Variants in TMCC2 observed in about 807,000 individuals in gnomAD.
TMCC2 encodes the protein transmembrane and coiled-coil domain family 2.
Under a neutral mutation model 49.4 loss-of-function variants are expected in TMCC2, and 16 were observed. That is an observed-to-expected ratio of 0.32 (90% confidence interval 0.22 to 0.49). The LOEUF is 0.49. Among genes scored for constraint, TMCC2 ranks in the 20% least tolerant of loss-of-function variants. The probability of loss-of-function intolerance (pLI) is 0.99; values close to 1 mark genes in which losing one functional copy is unlikely to be tolerated. For missense variants in TMCC2, 762 were observed against 989.8 expected, an observed-to-expected ratio of 0.77 and a Z score of 3.09; for synonymous variants, 397 against 434.1, an observed-to-expected ratio of 0.91 and a Z score of 1.06.
At chr1:205,253,984 G>A (rs1434479541) in intron 2 of TMCC2, among the ~76,000 whole-genome samples, 2 of 152,196 alleles carry the variant, frequency 1.3e-5, no homozygotes, top group Non-Finnish European at 2.9e-5. Flanking sequence ...CAGCTGCACA[G>A]AGTCTCCAAG....
At chr1:205,229,994 C>T in intron 1 of TMCC2, 1 of 985,498 alleles carries the variant, frequency 1.0e-6, no homozygotes, top group Non-Finnish European at 1.2e-6. Context: ...ATTGATGCCT[C>T]ACAGTTATTT....
chr1:205,231,424 G>C (rs1659794470), intron 1 of TMCC2, among the ~76,000 whole-genome samples: 1 of 152,038 alleles, frequency 6.6e-6, no homozygotes, highest in South Asian at 2.1e-4. Flanking sequence ...AGCCTCCCAA[G>C]TAGCTGGTAC....
intron 1 of TMCC2, chr1:205,230,203 C>G (rs1428195174): frequency 2.0e-6 from 2 of 981,664 alleles, no homozygotes; most frequent in African/African-American, 3.5e-5. Flanking sequence ...TGTATGTTAC[C>G]TGTCTGTGTG....
chr1:205,270,263 G>A (rs1206250174), intron 3 of TMCC2, among the ~76,000 whole-genome samples: 1 of 152,158 alleles, frequency 6.6e-6, no homozygotes, highest in Admixed American at 6.5e-5. Context: ...GGCCAGGCTG[G>A]TCTCGATCTC....
At chr1:205,243,343 C>A (rs1032581108) in intron 2 of TMCC2, among the ~76,000 whole-genome samples, 4 of 152,018 alleles carry the variant, frequency 2.6e-5, no homozygotes, top group Non-Finnish European at 5.9e-5. Context: ...AAGATCGAGC[C>A]ACTGCACTCC....
chr1:205,236,864 G>A (rs1660070561), intron 1 of TMCC2: 1 of 152,198 alleles, frequency 6.6e-6, no homozygotes, highest in Admixed American at 6.5e-5. Context: ...TTTAATAAAA[G>A]TCTTCTATGT....
chr1:205,263,254 C>T (rs1342139611), intron 2 of TMCC2, among the ~76,000 whole-genome samples: 1 of 152,044 alleles, frequency 6.6e-6, no homozygotes, highest in Non-Finnish European at 1.5e-5. Context: ...GAGATGCCAC[C>T]GTGATGTCTT....
chr1:205,264,137 C>T lies in TMCC2; in HGVS notation c.748-4813C>T, dbSNP rs1306209667. On this transcript the variant is annotated intron_variant, in intron 2 of 4. Coordinates refer to ENST00000358024, the MANE Select transcript of TMCC2 (RefSeq NM_014858.4). The surrounding 1 kb of genome is among the most constrained non-coding windows in gnomAD (Gnocchi z 4.2). ...TGTTAGTGTTTGAAGGAGATTGGTT[C>T]CAAGACCCCCTGCAGATACCAAAGT... Among the ~76,000 whole-genome samples the T allele has an allele frequency of 2.0e-5, 3 of 152,156 alleles. 1 individual carries two copies. Among genetic ancestry groups the T allele is most frequent in the African/African-American group, 7.2e-5 (3 of 41,412 alleles).
Position 205,228,670 on chromosome 1 carries a change from G to T in TMCC2, c.106G>T (p.Gly36Trp), listed in dbSNP as rs1189699018. The T allele has an allele frequency of 1.2e-6, 2 of 1,613,056 alleles. No individual in the cohort carries two copies. The highest frequency in any genetic ancestry group is 1.7e-6 in the Non-Finnish European group (2 of 1,179,910). ...SHLPGADLRP[G>W]ETTGANSAGG... ...CCTGCCGGGCGCGGACCTCCGGCCT[G>T]GGGAGACCACGGGTGCTAACTCTGC... Residue 36 changes from glycine to tryptophan, a missense_variant, in exon 1 of 5, where the codon GGG (glycine) becomes TGG (tryptophan). Transcript: ENST00000358024.
chr1:205,252,968 A>AT (rs112731246), intron 2 of TMCC2, among the ~76,000 whole-genome samples: 12 of 151,236 alleles, frequency 7.9e-5, no homozygotes, highest in Non-Finnish European at 1.6e-4. Context: ...TAAAAAAAAA[A>AT]AATAATAATA....
chr1:205,268,811 T>TGCTG, intron 2 of TMCC2, 139 bp from the exon 3 acceptor site: 1 of 776,778 alleles, frequency 1.3e-6, no homozygotes, highest in Admixed American at 2.7e-5. Context: ...CTGTCAGGGA[T>TGCTG]ACTGCTCTTG....
chr1:205,245,161 C>T (rs959593641), intron 2 of TMCC2, among the ~76,000 whole-genome samples: 3 of 152,068 alleles, frequency 2.0e-5, no homozygotes, highest in African/African-American at 7.2e-5. Flanking sequence ...GAAGGCCAGG[C>T]TGAAGCAACA....
At chr1:205,258,214 G>A (rs899047438) in intron 2 of TMCC2, among the ~76,000 whole-genome samples, 1 of 152,096 alleles carries the variant, frequency 6.6e-6, no homozygotes, top group Non-Finnish European at 1.5e-5. Flanking sequence ...GAAAGGATGA[G>A]TGAGTGACTT....
Position 205,228,690 on chromosome 1 carries a change from C to A in TMCC2, c.126C>A (p.Asn42Lys), listed in dbSNP as rs761321148. ...GGCCTGGGGAGACCACGGGTGCTAA[C>A]TCTGCTGGCGGGCCAACTTCAGACG... The part of the protein sequence containing the change: ...DLRPGETTGA[N>K]SAGGPTSDAG... The change falls in exon 1 of 5, where the codon AAC becomes AAA. Residue 42 changes from asparagine (N) to lysine (K), a missense_variant. Coordinates refer to ENST00000358024, the MANE Select transcript of TMCC2 (RefSeq NM_014858.4). 6.2e-7 allele frequency: 1 copy of A among 1,612,714 alleles called. No individual in the cohort carries two copies. Among genetic ancestry groups the A allele is most frequent in the Admixed American group, 1.7e-5 (1 of 59,968 alleles).
chr1:205,269,321 C>G lies in TMCC2; in HGVS notation c.1119C>G (p.Pro373=). 1.9e-6 allele frequency: 3 copies of G among 1,613,372 alleles called. No homozygotes were observed. Among genetic ancestry groups the G allele is most frequent in the Non-Finnish European group, 2.5e-6 (3 of 1,179,946 alleles). Residue 373 remains proline (P), a synonymous_variant, in exon 3 of 5, where the codon CCC becomes CCG. Coordinates refer to ENST00000358024, the MANE Select transcript of TMCC2 (RefSeq NM_014858.4). ...EIEQNGPSRQ[P]KDVLRDMQQG... ...AGCAGAACGGGCCCTCGCGGCAGCC[C>G]AAGGACGTGCTGCGGGACATGCAGC...
chr1:205,243,150 G>A (rs570263059), intron 2 of TMCC2, among the ~76,000 whole-genome samples: 30 of 152,138 alleles, frequency 2.0e-4, no homozygotes, highest in Non-Finnish European at 4.3e-4. Flanking sequence ...CTGGGAGGCC[G>A]AGGTGGGTGG....
Position 205,243,859 on chromosome 1 carries a change from G to A in TMCC2, c.747+1815G>A, listed in dbSNP as rs192587581. Among the ~76,000 whole-genome samples, 810 of 152,330 alleles carry A rather than the reference G, an allele frequency of 5.3e-3. 4 individuals are homozygous for A. Among genetic ancestry groups the A allele is most frequent in the Non-Finnish European group, 7.8e-3 (530 of 68,030 alleles). On this transcript the variant is annotated intron_variant, in intron 2 of 4. Transcript: ENST00000358024. ...GGTGTGGGTGTGATCTTCAAAGGAG[G>A]ATGTGTCGAATGAGAAGGAGGCTGT...
Position 205,258,918 on chromosome 1 carries a change from A to T in TMCC2, c.748-10032A>T, listed in dbSNP as rs192111170. ...GAGCGTTCTTTATCCCGAGAGGGCC[A>T]CTGAAATCAGAGTCACGGGGCAGCA... On this transcript the variant is annotated intron_variant, in intron 2 of 4. Transcript: ENST00000358024. Among the ~76,000 whole-genome samples, 3 of 152,274 alleles carry T rather than the reference A, an allele frequency of 2.0e-5. No individual in the cohort carries two copies. In the East Asian group the frequency reaches 5.8e-4, roughly 29 times the overall value.
chr1:205,250,347 C>T (rs186835209), intron 2 of TMCC2, among the ~76,000 whole-genome samples: 5 of 152,192 alleles, frequency 3.3e-5, no homozygotes, highest in Admixed American at 2.6e-4. Context: ...CCGAGACCAC[C>T]CTGGCCAACA....
Sources: gnomAD v4.1 joint callset for allele counts (sites outside exome capture counted in the v4.1 genomes callset) on GRCh38, gnomAD v4.1.1 for gene constraint, Gnocchi (gnomAD v3.1) non-coding constraint, MANE v1.5 for transcripts, NCBI Gene and HGNC (gene_info 2026-07-23, HGNC 2026-07-21) for gene names.